The following PRKCH variants were observed in gnomAD, a reference collection of about 807,000 sequenced individuals.
PRKCH encodes the protein protein kinase C eta.
PRKCH carries 28 observed loss-of-function variants against 82.5 expected under a neutral mutation model. The observed-to-expected ratio is 0.34, with a 90% CI of 0.25 to 0.47. The LOEUF is 0.47. PRKCH is among the 20% of genes least tolerant of loss of function. The pLI, the probability that PRKCH is intolerant of heterozygous loss-of-function variation, is 1.00. For synonymous variants in PRKCH, 322 were observed against 327.4 expected (o/e 0.98, Z 0.18); for missense variants, 705 against 881.8 (o/e 0.80, Z 2.54).
chr14:61,300,457 T>C (rs1301464742), intron 1 of PRKCH, among the ~76,000 whole-genome samples: 6 of 152,208 alleles, frequency 3.9e-5, no homozygotes, highest in Admixed American at 2.6e-4. Context: ...CACAGTCTTA[T>C]GTTCAAAGAT....
chr14:61,194,719 C>T (rs928021287), intron 1 of PRKCH, among the ~76,000 whole-genome samples: 1 of 152,138 alleles, frequency 6.6e-6, no homozygotes, highest in African/African-American at 2.4e-5. Flanking sequence ...CACAAAACAT[C>T]GTCATTATCA....
At chr14:61,506,998 G>A (rs923355635) in intron 10 of PRKCH, among the ~76,000 whole-genome samples, 1 of 152,138 alleles carries the variant, frequency 6.6e-6, no homozygotes, top group Non-Finnish European at 1.5e-5. Flanking sequence ...TTGACAAAAT[G>A]GAAAGGCAAC....
chr14:61,480,880 A>C (rs1005048463), intron 9 of PRKCH, among the ~76,000 whole-genome samples: 1 of 152,136 alleles, frequency 6.6e-6, no homozygotes, highest in Non-Finnish European at 1.5e-5. Context: ...TCTGCCTGAC[A>C]TCTTACACTT....
chr14:61,395,187 C>T (rs942443828), intron 2 of PRKCH, among the ~76,000 whole-genome samples: 1 of 151,962 alleles, frequency 6.6e-6, no homozygotes, highest in African/African-American at 2.4e-5. Context: ...GACTGGGGCT[C>T]AGCTTGAGCT....
At chr14:61,505,395 C>CTTTTCTTTTTTTTTTTTTTTTT (rs762878496) in intron 10 of PRKCH, among the ~76,000 whole-genome samples, 1 of 55,738 alleles carries the variant, frequency 1.8e-5, no homozygotes, top group Non-Finnish European at 3.2e-5. Flanking sequence ...CTTTTCTTTT[C>CTTTTCTTTTTTTTTTTTTTTTT]TTTTTTTTTT....
At chr14:61,342,600 C>T (rs756637942) in intron 1 of PRKCH, among the ~76,000 whole-genome samples, 4 of 152,194 alleles carry the variant, frequency 2.6e-5, no homozygotes, top group Non-Finnish European at 4.4e-5. Context: ...TTTCCACCAG[C>T]GGGTTTGCAC....
chr14:61,518,579 C>T (rs1384971744), intron 10 of PRKCH, among the ~76,000 whole-genome samples: 1 of 152,066 alleles, frequency 6.6e-6, no homozygotes, highest in Non-Finnish European at 1.5e-5. Context: ...TGTATTTGTC[C>T]AGAGAGTCAG....
Position 61,518,919 on chromosome 14 carries a change from C to T in PRKCH, c.1434-10156C>T, listed in dbSNP as rs1178932502. ...CCTCCAACCCCTGGGCTCAAGCAAT[C>T]CTCTCACCCCAGCCTCCCAAGTAGC... On this transcript the variant is annotated intron_variant, in intron 10 of 13. Transcript: ENST00000332981. 2.0e-5 allele frequency among the ~76,000 whole-genome samples: 3 copies of T among 152,242 alleles called. No homozygotes were observed. The South Asian group carries it at 6.2e-4, about 32-fold the overall frequency.
At chr14:61,317,927 G>A (rs955075729), upstream of PRKCH, among the ~76,000 whole-genome samples, 4 of 152,006 alleles carry the variant, frequency 2.6e-5, no homozygotes, top group Admixed American at 1.3e-4. Context: ...CTGCCCCTCC[G>A]AGTGTCACAA....
intron 12 of PRKCH, among the ~76,000 whole-genome samples, chr14:61,538,592 A>C (rs2043142632): frequency 6.6e-6 from 1 of 152,232 alleles, no homozygotes; most frequent in Admixed American, 6.5e-5. Context: ...TGTCTCATTT[A>C]TCTCCATCCC....
At chr14:61,449,886 CTCTCTCTCT>C (rs1884409868) in intron 5 of PRKCH, among the ~76,000 whole-genome samples, 1 of 39,824 alleles carries the variant, frequency 2.5e-5, no homozygotes, top group African/African-American at 4.1e-5. Context: ...CTCTCTCTCT[CTCTCTCTCT>C]CTCTCTGTGT....
chr14:61,304,649 G>T (rs2045472742), intron 1 of PRKCH: 1 of 139,744 alleles, frequency 7.2e-6, no homozygotes, highest in African/African-American at 2.9e-5. Flanking sequence ...ACGTAGCTGA[G>T]ACCCCATCTC....
At position 61,533,438 on chromosome 14, in the gene PRKCH, T is replaced by C. The variant is rs112387626; in HGVS notation, c.1761+2843T>C. Among the ~76,000 whole-genome samples, 426 of 151,764 alleles carry C rather than the reference T, an allele frequency of 2.8e-3. 3 individuals carry two copies. Among genetic ancestry groups the C allele is most frequent in the African/African-American group, 9.9e-3 (409 of 41,282 alleles). ...TTTGCAGGGGACTGAGACATTTAAA[T>C]AGAAATGTGATCAAAGAGAAAAAAG... is the stretch of plus-strand genomic sequence containing the variant. On this transcript the variant is annotated intron_variant, in intron 12 of 13. Transcript: ENST00000332981.
At chr14:61,422,947 G>A (rs1415880963) in intron 2 of PRKCH, among the ~76,000 whole-genome samples, 1 of 152,014 alleles carries the variant, frequency 6.6e-6, no homozygotes, top group East Asian at 1.9e-4. Context: ...TATTTTCTTT[G>A]ATCCTGTCAT....
intron 12 of PRKCH, among the ~76,000 whole-genome samples, chr14:61,541,288 G>A (rs994621108): frequency 6.6e-6 from 1 of 152,386 alleles, no homozygotes; most frequent in African/African-American, 2.4e-5. Context: ...ACGCATGCGT[G>A]GTGTGCTTCT....
chr14:61,548,705 C>CAA (rs397960743), intron 13 of PRKCH, among the ~76,000 whole-genome samples: 31 of 143,928 alleles, frequency 2.2e-4, no homozygotes, highest in East Asian at 1.0e-3. Flanking sequence ...ACTAAAAATA[C>CAA]AAAAAAAAAA....
chr14:61,267,024 T>C (rs897065082), intron 1 of PRKCH, among the ~76,000 whole-genome samples: 1 of 152,302 alleles, frequency 6.6e-6, no homozygotes, highest in Admixed American at 6.5e-5. Context: ...GGAACTCTCC[T>C]TTGGCAACGT....
At chr14:61,210,537 C>T (rs912350119) in intron 1 of PRKCH, among the ~76,000 whole-genome samples, 1 of 152,126 alleles carries the variant, frequency 6.6e-6, no homozygotes, top group Non-Finnish European at 1.5e-5. Context: ...TTCAGTAAGT[C>T]TGAACTGTGA....
chr14:61,352,599 G>A (rs12890975), intron 1 of PRKCH, among the ~76,000 whole-genome samples: 85,783 of 150,956 alleles, frequency 0.57, 28,717 homozygotes, highest in Non-Finnish European at 0.74. Context: ...GGGAGGTGGA[G>A]GTTGTAGTGA....
Sources: allele counts gnomAD v4.1 joint callset (sites outside exome capture counted in the v4.1 genomes callset), GRCh38; gene constraint gnomAD v4.1.1; transcripts MANE v1.5; gene names NCBI Gene and HGNC (gene_info 2026-07-23, HGNC 2026-07-21).